Variants in PIP4K2A observed in about 807,000 individuals in gnomAD.
PIP4K2A encodes the protein phosphatidylinositol 5-phosphate 4-kinase type-2 alpha.
A neutral mutation model predicts 42.9 loss-of-function variants in PIP4K2A; 14 were observed. That is an observed-to-expected ratio of 0.33 (90% CI 0.22 to 0.51). The LOEUF is 0.51. Among genes scored for constraint, PIP4K2A ranks in the 20% least tolerant of loss-of-function variants. The pLI is 0.97. For synonymous variants in PIP4K2A, 192 were observed against 192.2 expected (o/e 1.00, Z 0.01); for missense variants, 434 against 519.8 (o/e 0.83, Z 1.61).
At chr10:22,570,938 A>C (rs1836971331) in intron 5 of PIP4K2A, among the ~76,000 whole-genome samples, 1 of 152,136 alleles carries the variant, frequency 6.6e-6, no homozygotes, top group Non-Finnish European at 1.5e-5. Flanking sequence ...GTGACTTGTG[A>C]GCTGTGTACG....
chr10:22,640,560 A>G (rs1373921368), intron 1 of PIP4K2A, among the ~76,000 whole-genome samples: 1 of 152,192 alleles, frequency 6.6e-6, no homozygotes, highest in Non-Finnish European at 1.5e-5. Context: ...GATGCTGTGT[A>G]GCAGGGTGGA....
At chr10:22,575,350 G>C (rs1009343713) in intron 4 of PIP4K2A, among the ~76,000 whole-genome samples, 2 of 152,110 alleles carry the variant, frequency 1.3e-5, no homozygotes, top group Non-Finnish European at 2.9e-5. Flanking sequence ...GGGACACACC[G>C]ATTTTGGTTT....
At chr10:22,596,250 T>G (rs1240877822) in intron 3 of PIP4K2A, among the ~76,000 whole-genome samples, 1 of 146,968 alleles carries the variant, frequency 6.8e-6, no homozygotes, top group Non-Finnish European at 1.5e-5. Flanking sequence ...ACTCGACTCG[T>G]TGCTCTAGGA....
At chr10:22,683,874 C>CACACAA (rs1839711293) in intron 1 of PIP4K2A, among the ~76,000 whole-genome samples, 1 of 146,844 alleles carries the variant, frequency 6.8e-6, no homozygotes, top group African/African-American at 2.6e-5. Context: ...CACACACACA[C>CACACAA]AATTCAAAGT....
At chr10:22,664,134 TATATATACATATATATACAC>T (rs1564460069) in intron 1 of PIP4K2A, among the ~76,000 whole-genome samples, 4 of 45,924 alleles carry the variant, frequency 8.7e-5, no homozygotes, top group African/African-American at 4.7e-4. Flanking sequence ...TATATACATA[TATATATACATATATATACAC>T]ATATATATAT....
chr10:22,611,716 T>C (rs1838044909), intron 1 of PIP4K2A, among the ~76,000 whole-genome samples: 1 of 152,238 alleles, frequency 6.6e-6, no homozygotes, highest in South Asian at 2.1e-4. Flanking sequence ...AATTAAAGTT[T>C]ATGTATCCTT....
At chr10:22,599,313 C>A (rs1352388855) in intron 3 of PIP4K2A, among the ~76,000 whole-genome samples, 1 of 152,216 alleles carries the variant, frequency 6.6e-6, no homozygotes, top group African/African-American at 2.4e-5. Flanking sequence ...CAATCACTCC[C>A]ATTCCTTCCC....
chr10:22,623,895 G>T (rs1838384288), intron 1 of PIP4K2A, among the ~76,000 whole-genome samples: 1 of 152,196 alleles, frequency 6.6e-6, no homozygotes, highest in South Asian at 2.1e-4. Flanking sequence ...TGAGGTCAAA[G>T]CACTGATGAT....
rs1374655398 is a variant in PIP4K2A, at chr10:22,536,183, C to T, written c.*1018G>A. On this transcript the variant is annotated 3_prime_UTR_variant, in exon 10 of 10. Transcript: ENST00000376573. ...TGAAACAATGGTCAAACATAAACAT[C>T]TTATAATTCAGATCTGCATTTGGTA... 1 of 398,348 alleles carries T rather than the reference C, an allele frequency of 2.5e-6. No individual in the cohort carries two copies. The highest frequency in any genetic ancestry group is 4.4e-6 in the Non-Finnish European group (1 of 225,984). The allele number at this position is 398,348 out of a possible 1,614,324, so 24.7% of individuals were successfully genotyped here. A position where few individuals can be genotyped will look rare whatever the true frequency, so the allele number is the denominator to read the frequency against.
intron 1 of PIP4K2A, among the ~76,000 whole-genome samples, chr10:22,660,613 G>A (rs989530767): frequency 6.6e-6 from 1 of 152,002 alleles, no homozygotes; most frequent in African/African-American, 2.4e-5. Flanking sequence ...ACCAAGCACA[G>A]CCCTATCTCA....
chr10:22,570,745 T>C (rs1174252345), intron 5 of PIP4K2A, among the ~76,000 whole-genome samples: 2 of 152,132 alleles, frequency 1.3e-5, no homozygotes, highest in Admixed American at 6.5e-5. Flanking sequence ...TTGATATTTG[T>C]ATAAATAATG....
intron 1 of PIP4K2A, among the ~76,000 whole-genome samples, chr10:22,621,146 G>A (rs1192395974): frequency 6.6e-6 from 1 of 152,186 alleles, no homozygotes; most frequent in African/African-American, 2.4e-5. Context: ...TAAGAGCCAC[G>A]TGCAGATGAC....
intron 1 of PIP4K2A, among the ~76,000 whole-genome samples, chr10:22,623,376 C>T (rs997856046): frequency 4.6e-5 from 7 of 152,186 alleles, no homozygotes; most frequent in East Asian, 1.9e-4. Context: ...ACGAAGGAAG[C>T]GTCTAACTCA....
At position 22,536,402 on chromosome 10, in the gene PIP4K2A, A is replaced by T; in HGVS notation, c.*799T>A. 3.3e-6 allele frequency: 1 copy of T among 299,364 alleles called. No homozygotes were observed. Among genetic ancestry groups the T allele is most frequent in the Non-Finnish European group, 6.1e-6 (1 of 163,556 alleles). 18.5% of individuals were successfully genotyped at this position (299,364 alleles called of 1,614,324 possible). A position where few individuals can be genotyped will look rare whatever the true frequency, so the allele number is the denominator to read the frequency against. ...AGAAGTAAGCAGTTTTCCTGGACAT[A>T]TTGGCCGAGGTGAAAAATGTATAGA... On this transcript the variant is annotated 3_prime_UTR_variant, in exon 10 of 10. Coordinates refer to ENST00000376573, the MANE Select transcript of PIP4K2A (RefSeq NM_005028.5).
chr10:22,627,591 T>TAAAAAACAAAAAAAAAAAAAAAAA (rs1838469833), intron 1 of PIP4K2A, among the ~76,000 whole-genome samples: 1 of 56,994 alleles, frequency 1.8e-5, no homozygotes, highest in Non-Finnish European at 3.1e-5. Flanking sequence ...TAATATGTAA[T>TAAAAAACAAAAAAAAAAAAAAAAA]AAAAAAAAAA....
intron 1 of PIP4K2A, among the ~76,000 whole-genome samples, chr10:22,649,294 T>C (rs1838945664): frequency 1.3e-5 from 2 of 152,256 alleles, no homozygotes; most frequent in Non-Finnish European, 2.9e-5. Flanking sequence ...CTTTCTCCTT[T>C]GACTATAGAT....
At chr10:22,700,988 C>T (rs1247915830) in intron 1 of PIP4K2A, among the ~76,000 whole-genome samples, 1 of 152,102 alleles carries the variant, frequency 6.6e-6, no homozygotes, top group Non-Finnish European at 1.5e-5. Flanking sequence ...TTGGCAGTTC[C>T]CTGGAAATGC....
At chr10:22,690,846 C>T (rs572379787) in intron 1 of PIP4K2A, among the ~76,000 whole-genome samples, 2 of 152,308 alleles carry the variant, frequency 1.3e-5, no homozygotes, top group Admixed American at 6.5e-5. Context: ...ATTGCAAAAT[C>T]ACCATATGTA....
In PIP4K2A at chr10:22,591,686, C is replaced by T. The variant is rs1187046118; in HGVS notation, c.435G>A (p.Lys145=). ...CGGCCACGTCTTCACTGGTAATAGTCTTGATGATGTATCTTTTGTCGTAGG... is the reference window on the plus strand; with the variant it reads ...CGGCCACGTCTTCACTGGTAATAGTTTTGATGATGTATCTTTTGTCGTAGG... The part of the protein sequence containing the change: ...HTSYDKRYII[K]TITSEDVAEM... The change falls in exon 4 of 10, where the codon AAG becomes AAA. Residue 145 remains lysine, a synonymous_variant. Coordinates refer to ENST00000376573, the MANE Select transcript of PIP4K2A (RefSeq NM_005028.5). 2 of 1,613,192 alleles carry T rather than the reference C, an allele frequency of 1.2e-6. No homozygotes were observed. The highest frequency in any genetic ancestry group is 2.7e-5 in the African/African-American group (2 of 74,898).
Sources: allele counts gnomAD v4.1 joint callset (sites outside exome capture counted in the v4.1 genomes callset), GRCh38; gene constraint gnomAD v4.1.1; transcripts MANE v1.5; gene names NCBI Gene and HGNC (gene_info 2026-07-23, HGNC 2026-07-21).